FRMPD3: variants seen among roughly 807,000 people sequenced by gnomAD.
The protein encoded by FRMPD3 is FERM and PDZ domain-containing protein 3.
A neutral mutation model predicts 97.9 loss-of-function variants in FRMPD3; 42 were observed. That is an observed-to-expected ratio of 0.43 (90% confidence interval 0.34 to 0.55). The LOEUF (loss-of-function observed/expected upper bound fraction) is 0.55, where lower values mean the gene tolerates loss of function less well. Among genes scored for constraint, FRMPD3 ranks in the 20% least tolerant of loss-of-function variants. The probability of loss-of-function intolerance (pLI) is 0.03; values close to 1 mark genes in which losing one functional copy is unlikely to be tolerated. For synonymous variants in FRMPD3, 577 were observed against 581.1 expected, an observed-to-expected ratio of 0.99 and a Z score of 0.10; for missense variants, 1,303 against 1,457.7, an observed-to-expected ratio of 0.89 and a Z score of 1.73.
rs147195222 is a variant in FRMPD3, at chrX:107,579,764, T to A, written c.1441+3305T>A. Among the ~76,000 whole-genome samples, 56 of 111,241 alleles carry A rather than the reference T, an allele frequency of 5.0e-4. 1 individual carries two copies. Among genetic ancestry groups the A allele is most frequent in the African/African-American group, 1.8e-3 (54 of 30,670 alleles). ...CTGCAGCCCTGAGCTCTCTGTATCC[T>A]GGGGTAATCCAGGAAAAAAAGGCTT... On this transcript the variant is annotated intron_variant, in intron 13 of 14. Transcript: ENST00000683843.
At chrX:107,470,867 A>C (rs923289504) in intron 1 of FRMPD3, among the ~76,000 whole-genome samples, 30 of 112,450 alleles carry the variant, frequency 2.7e-4, no homozygotes, top group African/African-American at 9.4e-4. Context: ...TAAAGAGCAA[A>C]GAGAGGAACC....
At chrX:107,530,210 A>C (rs1425741031) in intron 2 of FRMPD3, among the ~76,000 whole-genome samples, 199 bp from the exon 3 acceptor site, 2 of 112,173 alleles carry the variant, frequency 1.8e-5, no homozygotes, top group African/African-American at 6.5e-5. Flanking sequence ...TCTGCCCTCT[A>C]TCTGCTTATA....
intron 14 of FRMPD3, 99 bp from the exon 15 acceptor site, chrX:107,600,204 C>G (rs986406080): frequency 4.7e-5 from 50 of 1,059,960 alleles, no homozygotes; most frequent in Non-Finnish European, 5.9e-5. Context: ...TTCAGGAGTC[C>G]TAGAGCCAAT....
intron 1 of FRMPD3, among the ~76,000 whole-genome samples, chrX:107,488,760 G>A (rs1183309265): frequency 9.1e-6 from 1 of 109,345 alleles, no homozygotes; most frequent in African/African-American, 3.3e-5. Flanking sequence ...CATTCTCTGA[G>A]GGGCAAAAAA....
intron 5 of FRMPD3, among the ~76,000 whole-genome samples, chrX:107,547,592 A>T (rs945890426): frequency 4.5e-5 from 5 of 111,347 alleles, no homozygotes; most frequent in African/African-American, 1.6e-4. Flanking sequence ...TGGGTGAGAG[A>T]CAGACATCAA....
At chrX:107,516,624 C>T (rs1922339203) in intron 1 of FRMPD3, among the ~76,000 whole-genome samples, 1 of 111,721 alleles carries the variant, frequency 9.0e-6, no homozygotes, top group Admixed American at 9.4e-5. Context: ...CTCTGATGGC[C>T]AGTGATGATG....
At position 107,598,119 on chromosome X, in the gene FRMPD3, A is replaced by C. The variant is rs756327086; in HGVS notation, c.2240A>C (p.His747Pro). The part of the protein sequence containing the change: ...EALAASEDGP[H>P]PPPPQTAGLI... ...CTGGCTGCATCCGAGGATGGACCAC[A>C]CCCACCACCCCCACAGACTGCAGGT... The change falls in exon 14 of 15, where the codon CAC (histidine) becomes CCC (proline). Residue 747 changes from histidine to proline, a missense_variant. Transcript: ENST00000683843. 2.5e-6 allele frequency: 3 copies of C among 1,205,707 alleles called. No individual in the cohort carries two copies. Among genetic ancestry groups the C allele is most frequent in the Non-Finnish European group, 3.4e-6 (3 of 891,773 alleles).
intron 1 of FRMPD3, among the ~76,000 whole-genome samples, chrX:107,525,064 T>C (rs1922647010): frequency 9.0e-6 from 1 of 111,049 alleles, no homozygotes; most frequent in Non-Finnish European, 1.9e-5. Flanking sequence ...CTACTTCTTT[T>C]ACAAACCTTA....
intron 13 of FRMPD3, among the ~76,000 whole-genome samples, chrX:107,581,292 G>T (rs1374781497): frequency 9.1e-6 from 1 of 110,100 alleles, no homozygotes; most frequent in East Asian, 2.8e-4. Flanking sequence ...GATATTTTTG[G>T]TAGAGACAGG....
At chrX:107,496,949 C>T (rs989966605) in intron 1 of FRMPD3, among the ~76,000 whole-genome samples, 8 of 112,085 alleles carry the variant, frequency 7.1e-5, no homozygotes, top group African/African-American at 1.6e-4. Context: ...GGGAGTTCAG[C>T]GAGCCCTGGT....
intron 1 of FRMPD3, among the ~76,000 whole-genome samples, chrX:107,518,108 A>G (rs1449664153): frequency 1.8e-5 from 2 of 111,614 alleles, no homozygotes; most frequent in African/African-American, 6.5e-5. Flanking sequence ...AAGTGAAAAT[A>G]AAAAGGAACT....
chrX:107,544,430 A>C (rs1031706508), intron 4 of FRMPD3, among the ~76,000 whole-genome samples: 4 of 111,963 alleles, frequency 3.6e-5, no homozygotes, highest in African/African-American at 1.3e-4. Context: ...GTAGTCCTTT[A>C]CCCTGCCTTA....
Position 107,555,348 on chromosome X carries a change from T to C in FRMPD3, c.762+844T>C, listed in dbSNP as rs144197425. On this transcript the variant is annotated intron_variant, in intron 8 of 14. Transcript: ENST00000683843. ...GCCAAGGCAAGCATAGACTTTATGA[T>C]TGAGCCTGGGCAGCGGTTCTTAAAG... Among the ~76,000 whole-genome samples, 807 of 111,929 alleles carry C rather than the reference T, an allele frequency of 7.2e-3. 8 individuals carry two copies. The highest frequency in any genetic ancestry group is 0.025 in the African/African-American group (764 of 30,772).
At chrX:107,515,565 G>GA (rs1284297612) in intron 1 of FRMPD3, among the ~76,000 whole-genome samples, 11 of 111,025 alleles carry the variant, frequency 9.9e-5, no homozygotes, top group African/African-American at 3.6e-4. Context: ...GTCCTTAAAA[G>GA]AAAAAAAAGA....
At chrX:107,499,363 G>A (rs552162983) in intron 1 of FRMPD3, among the ~76,000 whole-genome samples, 10 of 112,131 alleles carry the variant, frequency 8.9e-5, no homozygotes, top group African/African-American at 3.2e-4. Context: ...CATGAGAAAG[G>A]CAAGACTACC....
At chrX:107,460,547 C>T (rs1030728223) in intron 1 of FRMPD3, among the ~76,000 whole-genome samples, 1 of 110,572 alleles carries the variant, frequency 9.0e-6, no homozygotes, top group Non-Finnish European at 1.9e-5. Context: ...CATGCCACCA[C>T]GCCCAGCTAA....
chrX:107,489,313 T>C (rs1708092539), intron 1 of FRMPD3, among the ~76,000 whole-genome samples: 1 of 111,161 alleles, frequency 9.0e-6, no homozygotes, highest in South Asian at 3.9e-4. Context: ...CATGTGTCTT[T>C]ATAGCAGCAT....
intron 1 of FRMPD3, among the ~76,000 whole-genome samples, chrX:107,450,347 A>G (rs1248178577): frequency 9.0e-6 from 1 of 110,733 alleles, no homozygotes; most frequent in Non-Finnish European, 1.9e-5. Context: ...CAGTTGGGAG[A>G]GCTGGCGAGA....
Position 107,553,423 on chromosome X carries a change from T to G in FRMPD3, c.642+497T>G, listed in dbSNP as rs1921949011. Among the ~76,000 whole-genome samples, 3 of 106,968 alleles carry G rather than the reference T, an allele frequency of 2.8e-5. No individual in the cohort carries two copies. The South Asian group carries it at 1.3e-3, about 46-fold the overall frequency. The allele number at this position is 106,968 out of a possible 115,157, so 92.9% of individuals were successfully genotyped here. On this transcript the variant is annotated intron_variant, in intron 7 of 14. Transcript: ENST00000683843. ...ACCCACATCAATTTACAAGGTAGAGTAGGAAAAAGTATCCGGTCTTCCTAG... is the reference window on the plus strand; with the variant it reads ...ACCCACATCAATTTACAAGGTAGAGGAGGAAAAAGTATCCGGTCTTCCTAG...
Sources: allele counts gnomAD v4.1 joint callset (sites outside exome capture counted in the v4.1 genomes callset), GRCh38; gene constraint gnomAD v4.1.1; transcripts MANE v1.5; gene names NCBI Gene and HGNC (gene_info 2026-07-23, HGNC 2026-07-21).